SETD3: variants seen among roughly 807,000 people sequenced by gnomAD.
SETD3 encodes the protein SET domain containing 3, actin N3(tau)-histidine methyltransferase.
SETD3 carries 19 observed loss-of-function variants against 63.0 expected under a neutral mutation model. That is an observed-to-expected ratio of 0.30 (90% CI 0.21 to 0.44). The LOEUF is 0.44. SETD3 is among the 20% of genes least tolerant of loss of function. The pLI is 1.00. For missense variants in SETD3, 587 were observed against 728.5 expected, an observed-to-expected ratio of 0.81 and a Z score of 2.24; for synonymous variants, 286 against 264.1, an observed-to-expected ratio of 1.08 and a Z score of -0.80.
At chr14:99,426,341 G>C (rs1427908298) in intron 6 of SETD3, among the ~76,000 whole-genome samples, 1 of 152,248 alleles carries the variant, frequency 6.6e-6, no homozygotes, top group African/African-American at 2.4e-5. Context: ...CCCACTCTGA[G>C]TGAAGTGGAA....
chr14:99,472,424 T>C (rs904135458), intron 1 of SETD3, among the ~76,000 whole-genome samples: 4 of 152,212 alleles, frequency 2.6e-5, no homozygotes, highest in Admixed American at 1.3e-4. Flanking sequence ...ATAACTACCC[T>C]TTTCATTTAT....
At chr14:99,400,310 C>T in intron 11 of SETD3, 51 bp from the exon 12 acceptor site, 5 of 1,534,098 alleles carry the variant, frequency 3.3e-6, no homozygotes, top group Non-Finnish European at 4.4e-6. Flanking sequence ...TAGCACTCCT[C>T]ATTTGAACAA....
Position 99,413,014 on chromosome 14 carries a change from A to G in SETD3, c.786T>C (p.Asp262=), listed in dbSNP as rs371433023. Residue 262 remains aspartate (D), a synonymous_variant, in exon 8 of 13, where the codon GAT becomes GAC. Transcript: ENST00000331768. ...MTRQNQIPTE[D]GSRVTLALIP... ...TCAGAGCCAGGGTCACGCGGGAACCATCCTCTGTGGGAATTTGGTTTTGCC... is the reference window on the plus strand; with the variant it reads ...TCAGAGCCAGGGTCACGCGGGAACCGTCCTCTGTGGGAATTTGGTTTTGCC... 84 of 1,614,028 alleles carry G rather than the reference A, an allele frequency of 5.2e-5. No individual in the cohort carries two copies. The highest frequency in any genetic ancestry group is 6.9e-5 in the Non-Finnish European group (82 of 1,179,980).
intron 6 of SETD3, among the ~76,000 whole-genome samples, chr14:99,454,499 C>T (rs899960873): frequency 6.6e-6 from 1 of 152,040 alleles, no homozygotes; most frequent in Non-Finnish European, 1.5e-5. Flanking sequence ...CTAAGAAATA[C>T]TAACATAAGA....
intron 8 of SETD3, among the ~76,000 whole-genome samples, chr14:99,410,967 C>CT (rs1476526848): frequency 6.6e-6 from 1 of 152,210 alleles, no homozygotes; most frequent in East Asian, 1.9e-4. Context: ...AAAATCTCGT[C>CT]TTAAAAGCCA....
upstream of SETD3, among the ~76,000 whole-genome samples, chr14:99,483,915 A>G (rs1166730310): frequency 6.6e-6 from 1 of 152,238 alleles, no homozygotes; most frequent in Non-Finnish European, 1.5e-5. Context: ...AATGCACTCA[A>G]ACCATGTAGT....
At chr14:99,481,763 C>G (rs1024359178), upstream of SETD3, 1 of 354,874 alleles carries the variant, frequency 2.8e-6, no homozygotes. Context: ...GGGGAACTTT[C>G]TAGGGGTTGG....
chr14:99,417,675 AT>A (rs1329742721), intron 6 of SETD3, among the ~76,000 whole-genome samples: 1 of 152,250 alleles, frequency 6.6e-6, no homozygotes, highest in Non-Finnish European at 1.5e-5. Flanking sequence ...TATTATGTGA[AT>A]CCCTAATTCA....
rs751226396 is a variant in SETD3 at position 99,412,950 on chromosome 14, C to T, written c.849+1G>A. Reference sequence around the variant, plus strand: ...CACAACACAGGGGAAGAGGTCGTTACCAGGCCGTTGGTGTGGTTACACATA... The same window carrying T: ...CACAACACAGGGGAAGAGGTCGTTATCAGGCCGTTGGTGTGGTTACACATA... On this transcript the variant is annotated splice_donor_variant, in intron 8 of 12. Coordinates refer to ENST00000331768, the MANE Select transcript of SETD3 (RefSeq NM_032233.3). LOFTEE classifies it high-confidence loss of function. 6.2e-7 allele frequency: 1 copy of T among 1,602,510 alleles called. No homozygotes were observed. Among genetic ancestry groups the T allele is most frequent in the Non-Finnish European group, 8.6e-7 (1 of 1,169,504 alleles).
At chr14:99,464,406 G>T (rs1222598641) in intron 2 of SETD3, among the ~76,000 whole-genome samples, 1 of 152,184 alleles carries the variant, frequency 6.6e-6, no homozygotes, top group Non-Finnish European at 1.5e-5. Flanking sequence ...AACTATGAAG[G>T]GTAGCCAGTC....
At chr14:99,439,453 A>G (rs1346712177) in intron 6 of SETD3, among the ~76,000 whole-genome samples, 1 of 152,036 alleles carries the variant, frequency 6.6e-6, no homozygotes, top group Non-Finnish European at 1.5e-5. Flanking sequence ...TCAATTTCCA[A>G]TGATAAACTT....
intron 4 of SETD3, 136 bp from the exon 5 acceptor site, chr14:99,459,321 A>G (rs549351706): frequency 1.8e-4 from 93 of 511,424 alleles, no homozygotes; most frequent in African/African-American, 1.4e-3. Flanking sequence ...ATAAATATTC[A>G]AATACATTTT....
At chr14:99,422,062 G>C (rs946027385) in intron 6 of SETD3, among the ~76,000 whole-genome samples, 1 of 152,106 alleles carries the variant, frequency 6.6e-6, no homozygotes, top group Non-Finnish European at 1.5e-5. Context: ...ATTATTTCCC[G>C]CACCATCAGA....
chr14:99,401,195 G>A (rs777834779), intron 11 of SETD3, among the ~76,000 whole-genome samples: 10 of 151,534 alleles, frequency 6.6e-5, no homozygotes, highest in South Asian at 2.1e-4. Flanking sequence ...TCTCTCACTT[G>A]TCAGGAATTT....
chr14:99,427,104 C>T (rs1235951403), intron 6 of SETD3, among the ~76,000 whole-genome samples: 1 of 152,236 alleles, frequency 6.6e-6, no homozygotes, highest in Non-Finnish European at 1.5e-5. Flanking sequence ...AGGCTGCTAA[C>T]TTTCCCAAGT....
At chr14:99,436,930 T>A (rs1309858259) in intron 6 of SETD3, among the ~76,000 whole-genome samples, 1 of 152,126 alleles carries the variant, frequency 6.6e-6, no homozygotes, top group Non-Finnish European at 1.5e-5. Context: ...AAATCAGCAG[T>A]AGGTGAGCAG....
intron 9 of SETD3, among the ~76,000 whole-genome samples, chr14:99,405,985 T>C (rs1317107037): frequency 6.6e-6 from 1 of 152,180 alleles, no homozygotes; most frequent in Non-Finnish European, 1.5e-5. Flanking sequence ...TGCTTGGGTG[T>C]AGACTGATAG....
intron 6 of SETD3, among the ~76,000 whole-genome samples, chr14:99,446,165 G>T (rs139555554): frequency 6.6e-6 from 1 of 152,152 alleles, no homozygotes; most frequent in Non-Finnish European, 1.5e-5. Flanking sequence ...AAATGGGGAC[G>T]GTGCCCAGCT....
intron 6 of SETD3, among the ~76,000 whole-genome samples, chr14:99,422,384 C>T (rs957426749): frequency 1.3e-5 from 2 of 152,186 alleles, no homozygotes; most frequent in Admixed American, 6.5e-5. Flanking sequence ...AGTTATTATA[C>T]TAGCATTATC....
Sources: allele counts gnomAD v4.1 joint callset (sites outside exome capture counted in the v4.1 genomes callset), GRCh38; gene constraint gnomAD v4.1.1; transcripts MANE v1.5; gene names NCBI Gene and HGNC (gene_info 2026-07-23, HGNC 2026-07-21).